MSI2: variants seen among roughly 807,000 people sequenced by gnomAD.
MSI2 encodes the protein musashi RNA binding protein 2.
In MSI2, 17 loss-of-function variants were observed where a neutral mutation model predicts 45.6. The observed-to-expected ratio is 0.37, with a 90% CI of 0.26 to 0.56. The LOEUF is 0.56. Ranked by LOEUF, MSI2 falls within the 20% of genes least tolerant of loss-of-function variation. MSI2 has a pLI of 0.77. For missense variants in MSI2, 293 were observed against 444.2 expected, an observed-to-expected ratio of 0.66 and a Z score of 3.06; for synonymous variants, 156 against 158.2, an observed-to-expected ratio of 0.99 and a Z score of 0.11.
chr17:57,583,538 G>A (rs1023455499), intron 7 of MSI2, among the ~76,000 whole-genome samples: 9 of 132,222 alleles, frequency 6.8e-5, no homozygotes, highest in Admixed American at 1.7e-4. Flanking sequence ...TGTCCAGGCC[G>A]CAGTGGCATG....
At chr17:57,623,085 C>G (rs538550370) in intron 9 of MSI2, among the ~76,000 whole-genome samples, 3 of 152,064 alleles carry the variant, frequency 2.0e-5, no homozygotes, top group Admixed American at 6.6e-5. Flanking sequence ...CTGGAGGAGC[C>G]CCTGCAACTC....
chr17:57,483,622 GAGGAGGAACCCA>G (rs1212816853), intron 6 of MSI2, among the ~76,000 whole-genome samples: 3 of 152,196 alleles, frequency 2.0e-5, no homozygotes, highest in Non-Finnish European at 2.9e-5. Flanking sequence ...TAGATGTTTG[GAGGAGGAACCCA>G]AGGCCTCTGA....
In MSI2 at chr17:57,291,117, G is replaced by A. The variant is rs371213125; in HGVS notation, c.312+28925G>A. On this transcript the variant is annotated intron_variant, in intron 5 of 13. Transcript: ENST00000284073. ...CCAGCATCCCATACTCAATTCTGCCGGCGAGAGCTGTGGGCCTGTTTTGCA... is the reference window on the plus strand; with the variant it reads ...CCAGCATCCCATACTCAATTCTGCCAGCGAGAGCTGTGGGCCTGTTTTGCA... 1.7e-3 allele frequency among the ~76,000 whole-genome samples: 261 copies of A among 152,288 alleles called. 1 individual carries two copies. Among genetic ancestry groups the A allele is most frequent in the African/African-American group, 5.9e-3 (245 of 41,558 alleles).
At chr17:57,616,860 C>T (rs978156512) in intron 9 of MSI2, among the ~76,000 whole-genome samples, 5 of 151,322 alleles carry the variant, frequency 3.3e-5, no homozygotes, top group African/African-American at 1.2e-4. Context: ...AATTTAAAGG[C>T]GAGAGAATGG....
intron 5 of MSI2, among the ~76,000 whole-genome samples, chr17:57,307,880 G>A (rs1365302547): frequency 1.3e-5 from 2 of 152,192 alleles, no homozygotes; most frequent in Non-Finnish European, 2.9e-5. Context: ...TATCATAGCA[G>A]TTGCTTGTTT....
At position 57,257,223 on chromosome 17, in the gene MSI2, C is replaced by G. The variant is rs1325866544; in HGVS notation, c.103+85C>G. The G allele has an allele frequency of 6.5e-5, 34 of 526,354 alleles. 1 individual carries two copies. Among genetic ancestry groups the G allele is most frequent in the East Asian group, 3.6e-4 (7 of 19,512 alleles). The allele number at this position is 526,354 out of a possible 1,614,324, so 32.6% of individuals were successfully genotyped here. On this transcript the variant is annotated intron_variant, in intron 2 of 13. Transcript: ENST00000284073. ...TGTTATCCCGGTGTAGGAGCCCCCC[C>G]CCCCCCGCCATTGGCTCCCCACTTC...
At chr17:57,615,377 T>G (rs1477831243) in intron 8 of MSI2, among the ~76,000 whole-genome samples, 1 of 152,116 alleles carries the variant, frequency 6.6e-6, no homozygotes, top group Admixed American at 6.6e-5. Flanking sequence ...CTGATTCACC[T>G]GCCTCCACCT....
intron 5 of MSI2, among the ~76,000 whole-genome samples, chr17:57,295,983 G>A (rs1598085889): frequency 9.0e-6 from 1 of 111,142 alleles, no homozygotes. Context: ...ACCAGTTCAC[G>A]CAGCCTTCCT....
chr17:57,585,496 G>A (rs1025019876), intron 7 of MSI2, among the ~76,000 whole-genome samples: 2 of 152,014 alleles, frequency 1.3e-5, no homozygotes, highest in Non-Finnish European at 2.9e-5. Flanking sequence ...GCAGCCAGTT[G>A]TGCTAGAGCC....
At chr17:57,548,741 A>G (rs931310405) in intron 7 of MSI2, among the ~76,000 whole-genome samples, 2 of 152,106 alleles carry the variant, frequency 1.3e-5, no homozygotes, top group African/African-American at 4.8e-5. Context: ...CACTTCATGA[A>G]GCAAAGTCCT....
intron 5 of MSI2, among the ~76,000 whole-genome samples, chr17:57,268,858 C>CA (rs1908088173): frequency 6.6e-6 from 1 of 151,742 alleles, no homozygotes; most frequent in Non-Finnish European, 1.5e-5. Context: ...AACAAACAAA[C>CA]AAAAAACACC....
At chr17:57,527,462 G>T (rs1254377294) in intron 6 of MSI2, among the ~76,000 whole-genome samples, 1 of 45,566 alleles carries the variant, frequency 2.2e-5, no homozygotes, top group Non-Finnish European at 4.9e-5. Context: ...GCAGGTTACC[G>T]TCGGCGGGGG....
chr17:57,475,155 G>T (rs530704235), intron 6 of MSI2, among the ~76,000 whole-genome samples: 3 of 152,322 alleles, frequency 2.0e-5, no homozygotes, highest in Non-Finnish European at 4.4e-5. Context: ...GCACTGTAAG[G>T]TGTGGGCACT....
intron 8 of MSI2, among the ~76,000 whole-genome samples, chr17:57,604,444 C>T (rs111426550): frequency 2.5e-4 from 38 of 152,102 alleles, no homozygotes; most frequent in Non-Finnish European, 4.3e-4. Context: ...CCCGAGCCTG[C>T]GGGGCAGGGA....
At chr17:57,304,454 A>T (rs1172581982) in intron 5 of MSI2, among the ~76,000 whole-genome samples, 2 of 139,868 alleles carry the variant, frequency 1.4e-5, no homozygotes, top group African/African-American at 2.7e-5. Flanking sequence ...ACCGAGTCTC[A>T]CTCTATCTCC....
chr17:57,323,743 G>T (rs1406725146), intron 5 of MSI2, among the ~76,000 whole-genome samples: 1 of 152,228 alleles, frequency 6.6e-6, no homozygotes, highest in Non-Finnish European at 1.5e-5. Flanking sequence ...TGCCGCTGTG[G>T]GTGTCAACGG....
intron 6 of MSI2, among the ~76,000 whole-genome samples, chr17:57,443,141 C>T (rs547737762): frequency 3.3e-5 from 5 of 152,112 alleles, no homozygotes; most frequent in South Asian, 2.1e-4. Context: ...CCAGCCAAGC[C>T]GGCTGGCTGG....
intron 11 of MSI2, among the ~76,000 whole-genome samples, chr17:57,669,015 C>T (rs1205246419): frequency 6.6e-6 from 1 of 152,216 alleles, no homozygotes; most frequent in Non-Finnish European, 1.5e-5. Flanking sequence ...AAAGCTTGAG[C>T]CAAGGATTGC....
rs748880101 is a variant in MSI2, at chr17:57,401,382, G to T, written c.316G>T (p.Val106Phe). 6.2e-7 allele frequency: 1 copy of T among 1,613,546 alleles called. No individual in the cohort carries two copies. The highest frequency in any genetic ancestry group is 1.3e-5 in the African/African-American group (1 of 75,032). ...TTTCTCTTGTCATTTCTTGCAGATG[G>T]TCACAAGAACAAAGAAAATATTTGT... ...AFPRRAQPKM[V>F]TRTKKIFVGG... is the part of the protein sequence containing the mutation. Residue 106 changes from valine (V) to phenylalanine (F), a missense_variant, in exon 6 of 14, where the codon GTC becomes TTC. By Grantham distance (50) the Val-to-Phe change is conservative. Transcript: ENST00000284073.
Sources: allele counts gnomAD v4.1 joint callset (sites outside exome capture counted in the v4.1 genomes callset), GRCh38; gene constraint gnomAD v4.1.1; transcripts MANE v1.5; gene names NCBI Gene and HGNC (gene_info 2026-07-23, HGNC 2026-07-21).